Variants in TRIM2 observed in about 807,000 individuals in gnomAD.
TRIM2 encodes the protein tripartite motif containing 2.
In TRIM2, 20 loss-of-function variants were observed where a neutral mutation model predicts 75.2. The ratio of observed to expected loss-of-function variants is 0.27; its 90% CI spans 0.19 to 0.39. The LOEUF (loss-of-function observed/expected upper bound fraction) is 0.39. Ranked by LOEUF, TRIM2 falls within the 10% of genes least tolerant of loss-of-function variation. The pLI is 1.00. For missense variants in TRIM2, 660 were observed against 990.8 expected (o/e 0.67, Z 4.48); for synonymous variants, 373 against 388.3 (o/e 0.96, Z 0.46).
intron 1 of TRIM2, chr4:153,266,898 T>C (rs1372644694): frequency 3.3e-4 from 49 of 148,892 alleles, no homozygotes; most frequent in African/African-American, 1.1e-3. Flanking sequence ...TCTGGGTTTT[T>C]TTTTTTTTTT....
At chr4:153,293,244 C>T (rs1273951081) in intron 4 of TRIM2, 111 bp downstream of exon 4, 2 of 1,123,354 alleles carry the variant, frequency 1.8e-6, no homozygotes, top group African/African-American at 1.5e-5. Flanking sequence ...AGATATCAGG[C>T]TTTGTGGGTA....
At chr4:153,260,724 A>ACACACACACACACACACACACACAT (rs528342465) in intron 1 of TRIM2, among the ~76,000 whole-genome samples, 18 of 112,570 alleles carry the variant, frequency 1.6e-4, no homozygotes, top group African/African-American at 5.2e-4. Flanking sequence ...ACACACACAC[A>ACACACACACACACACACACACACAT]CATCATCATC....
chr4:153,205,400 G>T (rs553365883), intron 1 of TRIM2, among the ~76,000 whole-genome samples: 1 of 152,058 alleles, frequency 6.6e-6, no homozygotes, highest in Non-Finnish European at 1.5e-5. Context: ...CGTAGCTCAC[G>T]GGGTGCGCAA....
chr4:153,266,378 C>T (rs1207335982), intron 1 of TRIM2, among the ~76,000 whole-genome samples: 1 of 139,660 alleles, frequency 7.2e-6, no homozygotes, highest in East Asian at 2.0e-4. Context: ...GAGTCTGACT[C>T]TGTCACCAGG....
intron 1 of TRIM2, among the ~76,000 whole-genome samples, chr4:153,244,367 T>TTCTTCC (rs1748163127): frequency 2.4e-5 from 1 of 41,752 alleles, no homozygotes; most frequent in Non-Finnish European, 3.8e-5. Context: ...CTTCTTCTTC[T>TTCTTCC]TCTTCTTCTT....
intron 1 of TRIM2, among the ~76,000 whole-genome samples, chr4:153,253,817 C>T (rs900808638): frequency 1.3e-5 from 2 of 152,210 alleles, no homozygotes; most frequent in African/African-American, 2.4e-5. Context: ...CCTATATGTT[C>T]GAGAAAGGGG....
chr4:153,211,086 C>T (rs1377761090), intron 1 of TRIM2, among the ~76,000 whole-genome samples: 1 of 152,152 alleles, frequency 6.6e-6, no homozygotes, highest in Non-Finnish European at 1.5e-5. Context: ...CAATATGAGG[C>T]TGCCTTTTTT....
chr4:153,180,466 T>A (rs1305757700), intron 1 of TRIM2, among the ~76,000 whole-genome samples: 1 of 152,260 alleles, frequency 6.6e-6, no homozygotes, highest in Non-Finnish European at 1.5e-5. Context: ...AGGCACGTTT[T>A]CCCAGTTGCC....
At chr4:153,272,288 A>G (rs1462468912) in intron 2 of TRIM2, among the ~76,000 whole-genome samples, 2 of 151,996 alleles carry the variant, frequency 1.3e-5, no homozygotes, top group African/African-American at 4.8e-5. Flanking sequence ...AGCTAGGACT[A>G]CAGGTGCCTG....
At chr4:153,264,873 A>T (rs1754519350) in intron 1 of TRIM2, among the ~76,000 whole-genome samples, 2 of 152,186 alleles carry the variant, frequency 1.3e-5, no homozygotes, top group Admixed American at 6.5e-5. Flanking sequence ...TTGGAGTTCT[A>T]AAAATCCAGA....
intron 1 of TRIM2, among the ~76,000 whole-genome samples, chr4:153,232,456 G>C (rs1207079968): frequency 6.6e-6 from 1 of 152,182 alleles, no homozygotes; most frequent in Non-Finnish European, 1.5e-5. Flanking sequence ...CCAAGATCAT[G>C]CCACTGCGCT....
intron 1 of TRIM2, among the ~76,000 whole-genome samples, chr4:153,246,464 G>T (rs1171665570): frequency 6.6e-6 from 1 of 152,154 alleles, no homozygotes; most frequent in Non-Finnish European, 1.5e-5. Context: ...ATTGTTAATT[G>T]TCTGAAGCTT....
rs1197018967 is a variant in TRIM2 at position 153,307,722 on chromosome 4, T to C, written c.1511-7763T>C. ...TTTCTAGACCTGTTAGCTGGAAGCA[T>C]GGGGAGCACCATTTCTGGACGCTCG... is the stretch of plus-strand genomic sequence containing the variant. On this transcript the variant is annotated intron_variant, in intron 6 of 11. Coordinates refer to ENST00000338700, the MANE Select transcript of TRIM2 (RefSeq NM_015271.5). 7 of 593,966 alleles carry C rather than the reference T, an allele frequency of 1.2e-5. No homozygotes were observed. The Middle Eastern group carries it at 8.9e-4, about 75-fold the overall frequency. 36.8% of individuals were successfully genotyped at this position (593,966 alleles called of 1,614,324 possible).
At chr4:153,325,983 C>T (rs1770081891) in intron 10 of TRIM2, among the ~76,000 whole-genome samples, 1 of 152,162 alleles carries the variant, frequency 6.6e-6, no homozygotes, top group African/African-American at 2.4e-5. Context: ...AGTTTCCTAA[C>T]TTTCCAAAAG....
upstream of TRIM2, among the ~76,000 whole-genome samples, chr4:153,202,273 A>G (rs1734443056): frequency 6.6e-6 from 1 of 152,254 alleles, no homozygotes; most frequent in African/African-American, 2.4e-5. Flanking sequence ...ATATCACTTT[A>G]TAAATGATGA....
chr4:153,321,466 A>G (rs1030904499), intron 8 of TRIM2, among the ~76,000 whole-genome samples: 3 of 152,242 alleles, frequency 2.0e-5, no homozygotes, highest in Admixed American at 2.0e-4. Flanking sequence ...AGTCTACTCA[A>G]GAACAGGAAT....
intron 1 of TRIM2, among the ~76,000 whole-genome samples, chr4:153,173,099 C>T (rs144612732): frequency 1.6e-3 from 248 of 152,318 alleles, no homozygotes; most frequent in African/African-American, 5.4e-3. Flanking sequence ...TGACACCCTT[C>T]GGCCTGGGTT....
intron 1 of TRIM2, among the ~76,000 whole-genome samples, chr4:153,260,698 CCCCACA>C (rs1753249555): frequency 1.3e-5 from 1 of 75,618 alleles, no homozygotes; most frequent in Non-Finnish European, 3.0e-5. Context: ...CCACCCCCCC[CCCCACA>C]CACACACACA....
chr4:153,322,900 C>T, intron 9 of TRIM2, 84 bp downstream of exon 9: 2 of 1,528,850 alleles, frequency 1.3e-6, no homozygotes, highest in Non-Finnish European at 1.8e-6. Flanking sequence ...GTTGAAGACA[C>T]CGCATCCCTA....
Sources: gnomAD v4.1 joint callset for allele counts (sites outside exome capture counted in the v4.1 genomes callset) on GRCh38, gnomAD v4.1.1 for gene constraint, MANE v1.5 for transcripts, NCBI Gene and HGNC (gene_info 2026-07-23, HGNC 2026-07-21) for gene names.